ZFAND3: variants seen among roughly 807,000 people sequenced by gnomAD.
ZFAND3 encodes the protein zinc finger AN1-type containing 3.
A neutral mutation model predicts 29.6 loss-of-function variants in ZFAND3; 10 were observed. The observed-to-expected ratio is 0.34, with a 90% CI of 0.21 to 0.57. The LOEUF (loss-of-function observed/expected upper bound fraction) is 0.57. Ranked by LOEUF, ZFAND3 falls within the 20% of genes least tolerant of loss-of-function variation. The probability of loss-of-function intolerance (pLI) is 0.86; values close to 1 mark genes in which losing one functional copy is unlikely to be tolerated. For missense variants in ZFAND3, 230 were observed against 304.5 expected, an observed-to-expected ratio of 0.76 and a Z score of 1.82; for synonymous variants, 128 against 112.6, an observed-to-expected ratio of 1.14 and a Z score of -0.87.
chr6:38,124,918 A>T (rs1178532110), intron 5 of ZFAND3, among the ~76,000 whole-genome samples: 4 of 152,162 alleles, frequency 2.6e-5, no homozygotes, highest in Non-Finnish European at 2.9e-5. Context: ...GGCCTTTAGG[A>T]ACTCCTGTTT....
intron 3 of ZFAND3, among the ~76,000 whole-genome samples, chr6:38,067,186 A>G (rs774830461): frequency 3.3e-5 from 5 of 152,182 alleles, no homozygotes; most frequent in African/African-American, 7.2e-5. Context: ...TGTGGAACCC[A>G]CTTAGTGAAA....
At chr6:38,144,503 G>T (rs183275910) in intron 5 of ZFAND3, among the ~76,000 whole-genome samples, 3 of 152,106 alleles carry the variant, frequency 2.0e-5, no homozygotes, top group South Asian at 2.1e-4. Context: ...ACTGTGCTGC[G>T]CCCAGCACAG....
chr6:37,983,453 T>G (rs562898662), intron 2 of ZFAND3, among the ~76,000 whole-genome samples: 2 of 142,536 alleles, frequency 1.4e-5, no homozygotes, highest in Non-Finnish European at 3.0e-5. Context: ...GCCTCCCGGG[T>G]TCAAGCTATT....
chr6:37,994,425 T>TAG (rs548482072), intron 2 of ZFAND3, among the ~76,000 whole-genome samples: 1 of 152,186 alleles, frequency 6.6e-6, no homozygotes, highest in Non-Finnish European at 1.5e-5. Context: ...ACTTCTTTGA[T>TAG]AGAGAGAGAC....
intron 1 of ZFAND3, among the ~76,000 whole-genome samples, chr6:37,896,219 T>A (rs1483003859): frequency 6.6e-6 from 1 of 152,188 alleles, no homozygotes; most frequent in Admixed American, 6.5e-5. Flanking sequence ...AAAGAAAGTT[T>A]CCTTCTGTTG....
At position 37,930,480 on chromosome 6, in the gene ZFAND3, A is replaced by G. The variant is rs538163052; in HGVS notation, c.112+481A>G. Among the ~76,000 whole-genome samples the G allele has an allele frequency of 2.6e-4, 39 of 152,318 alleles. 1 individual carries two copies. The highest frequency in any genetic ancestry group is 4.9e-4 in the Non-Finnish European group (33 of 68,030). On this transcript the variant is annotated intron_variant, in intron 2 of 5. Transcript: ENST00000287218. ...GAGGCAGAGACAGGAGGATTGCTTG[A>G]GGCCAGGAGTTTGAGACCAGCCTGG...
At chr6:37,829,838 T>C (rs1763828594) in intron 1 of ZFAND3, among the ~76,000 whole-genome samples, 1 of 152,220 alleles carries the variant, frequency 6.6e-6, no homozygotes, top group Non-Finnish European at 1.5e-5. Context: ...GAACAGTTGC[T>C]TTGACTTAAA....
intron 5 of ZFAND3, among the ~76,000 whole-genome samples, chr6:38,124,880 T>TC (rs1442396343): frequency 6.6e-6 from 1 of 152,168 alleles, no homozygotes; most frequent in Non-Finnish European, 1.5e-5. Context: ...CTGTCACCTC[T>TC]CAAGAGCATG....
chr6:38,113,597 A>G (rs1765360559), intron 4 of ZFAND3, among the ~76,000 whole-genome samples: 1 of 152,182 alleles, frequency 6.6e-6, no homozygotes, highest in Admixed American at 6.5e-5. Context: ...TTTGCAGGGC[A>G]GGGGTTGGGG....
chr6:38,042,517 T>C (rs17869300), intron 2 of ZFAND3, among the ~76,000 whole-genome samples: 1 of 152,032 alleles, frequency 6.6e-6, no homozygotes, highest in Non-Finnish European at 1.5e-5. Flanking sequence ...TTTTGCCATG[T>C]TGGCCAGGCT....
Position 38,153,378 on chromosome 6 carries a change from C to G in ZFAND3, c.*989C>G, listed in dbSNP as rs2127500168. On this transcript the variant is annotated 3_prime_UTR_variant, in exon 6 of 6. Coordinates refer to ENST00000287218, the MANE Select transcript of ZFAND3 (RefSeq NM_021943.3). ...CCCCTTCCAGCTGGAGCCGCCCGTG[C>G]CTCCAGGGGCCAAGAGGATGATGTC... The G allele has an allele frequency of 1.0e-6, 1 of 985,520 alleles. No homozygotes were observed. 61.0% of individuals were successfully genotyped at this position (985,520 alleles called of 1,614,324 possible).
chr6:38,093,404 G>T (rs1764911743), intron 4 of ZFAND3, among the ~76,000 whole-genome samples: 1 of 152,176 alleles, frequency 6.6e-6, no homozygotes, highest in African/African-American at 2.4e-5. Flanking sequence ...TTCAGTTTCT[G>T]ATGAGTTAAA....
intron 5 of ZFAND3, among the ~76,000 whole-genome samples, chr6:38,149,359 C>CT (rs1176248979): frequency 6.7e-6 from 1 of 148,388 alleles, no homozygotes. Context: ...CTGCAGTGAG[C>CT]TAGGATCGCA....
At chr6:37,862,173 T>C (rs1464416174) in intron 1 of ZFAND3, among the ~76,000 whole-genome samples, 1 of 152,188 alleles carries the variant, frequency 6.6e-6, no homozygotes, top group African/African-American at 2.4e-5. Context: ...TTTTAAGTTA[T>C]ATTTTGATTT....
intron 2 of ZFAND3, among the ~76,000 whole-genome samples, chr6:37,973,905 T>C (rs1466583787): frequency 2.0e-5 from 3 of 152,196 alleles, no homozygotes; most frequent in Non-Finnish European, 4.4e-5. Flanking sequence ...CAGTATATTG[T>C]GTTGTAGGTT....
intron 1 of ZFAND3, among the ~76,000 whole-genome samples, chr6:37,899,964 G>A (rs1341321119): frequency 6.6e-6 from 1 of 152,026 alleles, no homozygotes; most frequent in Admixed American, 6.6e-5. Flanking sequence ...CTTATGATGT[G>A]TTTTATTGAT....
intron 1 of ZFAND3, among the ~76,000 whole-genome samples, chr6:37,906,342 T>C (rs1765406928): frequency 6.6e-6 from 1 of 152,200 alleles, no homozygotes; most frequent in African/African-American, 2.4e-5. Flanking sequence ...TCCGTGTTGT[T>C]GTGTGTATCT....
At chr6:38,069,103 C>T (rs1764403836) in intron 3 of ZFAND3, among the ~76,000 whole-genome samples, 1 of 151,888 alleles carries the variant, frequency 6.6e-6, no homozygotes, top group Non-Finnish European at 1.5e-5. Flanking sequence ...TGCCACCAAG[C>T]GGCTAAACTT....
intron 2 of ZFAND3, among the ~76,000 whole-genome samples, chr6:38,009,167 A>G (rs530222437): frequency 1.8e-3 from 267 of 152,344 alleles, no homozygotes; most frequent in African/African-American, 6.0e-3. Flanking sequence ...CTTTGAGTAT[A>G]TTAACTAATC....
Sources: gnomAD v4.1 joint callset for allele counts (sites outside exome capture counted in the v4.1 genomes callset) on GRCh38, gnomAD v4.1.1 for gene constraint, MANE v1.5 for transcripts, NCBI Gene and HGNC (gene_info 2026-07-23, HGNC 2026-07-21) for gene names.